The following FAM53A variants were observed in gnomAD, a reference collection of about 807,000 sequenced individuals.
FAM53A encodes the protein family with sequence similarity 53 member A.
FAM53A carries 28 observed loss-of-function variants against 26.6 expected under a neutral mutation model. The ratio of observed to expected loss-of-function variants is 1.05; its 90% confidence interval spans 0.78 to 1.45. The LOEUF (loss-of-function observed/expected upper bound fraction) is 1.45, where lower values mean the gene tolerates loss of function less well. Among genes scored for constraint, FAM53A ranks in the 40% most tolerant of loss-of-function variants. The probability of loss-of-function intolerance (pLI) is 0.00; values close to 1 mark genes in which losing one functional copy is unlikely to be tolerated. For missense variants in FAM53A, 650 were observed against 575.8 expected, an observed-to-expected ratio of 1.13 and a Z score of -1.32; for synonymous variants, 290 against 253.1, an observed-to-expected ratio of 1.15 and a Z score of -1.38.
intron 1 of FAM53A, among the ~76,000 whole-genome samples, chr4:1,622,140 C>T (rs28637577): frequency 9.0e-4 from 137 of 152,072 alleles, no homozygotes; most frequent in African/African-American, 3.0e-3. Context: ...AACTTGAGCC[C>T]GCCGACCCCT....
At chr4:1,598,557 C>G in the FAM53A span, among the ~76,000 whole-genome samples, 2 of 152,202 alleles carry the variant, frequency 1.3e-5, no homozygotes, top group African/African-American at 4.8e-5. Context: ...CCTCAGGAGA[C>G]GATTTTTAAG....
chr4:1,594,759 C>G, the FAM53A span, among the ~76,000 whole-genome samples: 1 of 152,178 alleles, frequency 6.6e-6, no homozygotes, highest in Non-Finnish European at 1.5e-5. Flanking sequence ...AGGAGGATCA[C>G]TTGAGTGTAG....
intron 1 of FAM53A, among the ~76,000 whole-genome samples, chr4:1,627,542 A>T (rs1715361940): frequency 6.6e-6 from 1 of 152,110 alleles, no homozygotes; most frequent in Non-Finnish European, 1.5e-5. Context: ...AGACCCTGCC[A>T]GGCTGACCCC....
chr4:1,646,347 C>G (rs1194133261), intron 4 of FAM53A, among the ~76,000 whole-genome samples: 2 of 152,184 alleles, frequency 1.3e-5, no homozygotes, highest in Non-Finnish European at 2.9e-5. Flanking sequence ...GATCTGCCCA[C>G]CTCGGCCTCC....
At chr4:1,637,740 C>A (rs1302425268), downstream of FAM53A, among the ~76,000 whole-genome samples, 1 of 152,106 alleles carries the variant, frequency 6.6e-6, no homozygotes, top group Non-Finnish European at 1.5e-5. Flanking sequence ...TGAGGAGTGG[C>A]CTCACAGGCC....
chr4:1,657,026 C>T (rs1010863697), intron 3 of FAM53A, among the ~76,000 whole-genome samples: 19 of 152,202 alleles, frequency 1.2e-4, no homozygotes, highest in Admixed American at 7.2e-4. Context: ...GTGGGTGGGC[C>T]GCCCAGTATG....
chr4:1,606,511 C>T, the FAM53A span, among the ~76,000 whole-genome samples: 7 of 152,166 alleles, frequency 4.6e-5, no homozygotes, highest in Non-Finnish European at 1.0e-4. Context: ...AGGACCGAGG[C>T]AGACCCCAGA....
At chr4:1,589,152 G>T in the FAM53A span, among the ~76,000 whole-genome samples, 38 of 152,318 alleles carry the variant, frequency 2.5e-4, no homozygotes, top group East Asian at 3.9e-3. Context: ...TTAAGAAAAT[G>T]TTCTGTCCAT....
intron 1 of FAM53A, among the ~76,000 whole-genome samples, chr4:1,674,336 C>T (rs756000420): frequency 2.0e-5 from 3 of 152,110 alleles, no homozygotes; most frequent in East Asian, 3.9e-4. Context: ...GGGTTAGAGC[C>T]GACTCTAATC....
chr4:1,582,905 A>C, the FAM53A span, among the ~76,000 whole-genome samples: 128 of 152,158 alleles, frequency 8.4e-4, no homozygotes, highest in South Asian at 0.016. Flanking sequence ...CCAGAGAAAA[A>C]CCTTGGGATT....
the FAM53A span, among the ~76,000 whole-genome samples, chr4:1,594,402 A>C: frequency 6.6e-6 from 1 of 152,162 alleles, no homozygotes. Flanking sequence ...CCCCTCATGA[A>C]AAAAGGATGA....
chr4:1,650,125 A>ATGGTGTTTGACTGTGAGGTGGCACAGGCG (rs1712632364), intron 4 of FAM53A, among the ~76,000 whole-genome samples: 1 of 85,238 alleles, frequency 1.2e-5, no homozygotes, highest in Non-Finnish European at 2.2e-5. Context: ...TGGCACAGTC[A>ATGGTGTTTGACTGTGAGGTGGCACAGGCG]TGGTGTTTGA....
At chr4:1,609,018 T>C in the FAM53A span, among the ~76,000 whole-genome samples, 29 of 152,042 alleles carry the variant, frequency 1.9e-4, no homozygotes, top group Non-Finnish European at 4.1e-4. Flanking sequence ...CGGCTGCCGA[T>C]GCAGTTCAGA....
chr4:1,624,440 G>A (rs1715191164), intron 1 of FAM53A, among the ~76,000 whole-genome samples: 1 of 152,212 alleles, frequency 6.6e-6, no homozygotes, highest in African/African-American at 2.4e-5. Context: ...AAATGTGACA[G>A]TGCGGAGGCT....
downstream of FAM53A, among the ~76,000 whole-genome samples, chr4:1,614,528 G>T (rs1020348288): frequency 1.3e-5 from 2 of 151,570 alleles, no homozygotes; most frequent in Non-Finnish European, 2.9e-5. Flanking sequence ...AGACGTGAGG[G>T]GGATGCAGAG....
chr4:1,644,115 A>G, intron 4 of FAM53A: 1 of 1,495,712 alleles, frequency 6.7e-7, no homozygotes, highest in Non-Finnish European at 8.9e-7. Context: ...TGCTGCCCAC[A>G]CAGGATGGCC....
At chr4:1,646,439 C>T (rs764901998) in intron 4 of FAM53A, among the ~76,000 whole-genome samples, 5 of 152,136 alleles carry the variant, frequency 3.3e-5, no homozygotes, top group African/African-American at 9.7e-5. Flanking sequence ...TTATAAGTGA[C>T]GTCGTCGGGG....
intron 4 of FAM53A, among the ~76,000 whole-genome samples, chr4:1,654,141 G>A (rs990767458): frequency 1.3e-5 from 2 of 152,324 alleles, no homozygotes; most frequent in Middle Eastern, 3.4e-3. Context: ...GCCCTGGCTG[G>A]TACTCAGTTG....
At chr4:1,653,760 G>T (rs1713080903) in intron 4 of FAM53A, among the ~76,000 whole-genome samples, 1 of 152,250 alleles carries the variant, frequency 6.6e-6, no homozygotes. Flanking sequence ...AAGAGGCAAA[G>T]CTCACGGTGC....
Sources: gnomAD v4.1 joint callset for allele counts (sites outside exome capture counted in the v4.1 genomes callset) on GRCh38, gnomAD v4.1.1 for gene constraint, MANE v1.5 for transcripts, NCBI Gene and HGNC (gene_info 2026-07-23, HGNC 2026-07-21) for gene names.